Variants in LIFR observed in about 807,000 individuals in gnomAD.
The protein encoded by LIFR is leukemia inhibitory factor receptor.
Under a neutral mutation model 122.2 loss-of-function variants are expected in LIFR, and 84 were observed. The ratio of observed to expected loss-of-function variants is 0.69; its 90% CI spans 0.58 to 0.82. LIFR has a LOEUF of 0.82. Ranked by LOEUF, LIFR falls within the 40% of genes least tolerant of loss-of-function variation. LIFR has a pLI of 0.00. For missense variants in LIFR, 1,294 were observed against 1,311.6 expected (o/e 0.99, Z 0.21); for synonymous variants, 422 against 434.7 (o/e 0.97, Z 0.36).
intron 3 of LIFR, 120 bp downstream of exon 3, chr5:38,528,606 G>A: frequency 1.4e-6 from 1 of 740,138 alleles, no homozygotes; most frequent in Admixed American, 2.0e-5. Context: ...GGCAGACTCT[G>A]CTGGACACAG....
Position 38,540,798 on chromosome 5 carries a change from G to A in LIFR, c.-19-10132C>T, listed in dbSNP as rs550975681. On this transcript the variant is annotated intron_variant, in intron 1 of 19. Transcript: ENST00000453190. ...TCCAATTAAAAAAAAAACACTATGTGGGCCAAACAAAATACATTTGCAAGC... is the reference window on the plus strand; with the variant it reads ...TCCAATTAAAAAAAAAACACTATGTAGGCCAAACAAAATACATTTGCAAGC... Among the ~76,000 whole-genome samples the A allele has an allele frequency of 5.9e-5, 9 of 151,818 alleles. 2 individuals are homozygous for A. Among genetic ancestry groups the A allele is most frequent in the African/African-American group, 1.7e-4 (7 of 41,428 alleles).
chr5:38,478,504 T>C lies in LIFR; in HGVS notation c.*3091A>G, dbSNP rs1297040912. On this transcript the variant is annotated 3_prime_UTR_variant, in exon 20 of 20. Coordinates refer to ENST00000453190, the MANE Select transcript of LIFR (RefSeq NM_001127671.2). ...CTAGGGCTGTATAAATTCAACAAAT[T>C]GATGACCTAGATTGCATACATGTGC... 2 of 206,396 alleles carry C rather than the reference T, an allele frequency of 9.7e-6. No individual in the cohort carries two copies. The highest frequency in any genetic ancestry group is 1.5e-4 in the East Asian group (2 of 13,624). 12.8% of individuals were successfully genotyped at this position (206,396 alleles called of 1,614,324 possible). A position where few individuals can be genotyped will look rare whatever the true frequency, so the allele number is the denominator to read the frequency against.
chr5:38,548,827 T>C (rs1298564096), intron 1 of LIFR, among the ~76,000 whole-genome samples: 2 of 152,146 alleles, frequency 1.3e-5, no homozygotes, highest in African/African-American at 2.4e-5. Flanking sequence ...AGCAACAAAA[T>C]AGTTTGTCAG....
At chr5:38,560,476 G>A (rs987863453), upstream of LIFR, among the ~76,000 whole-genome samples, 3 of 152,058 alleles carry the variant, frequency 2.0e-5, no homozygotes, top group African/African-American at 7.2e-5. Flanking sequence ...TCAAAATTCT[G>A]TTTAGGATAT....
intron 1 of LIFR, among the ~76,000 whole-genome samples, chr5:38,547,909 G>T (rs1005741901): frequency 2.0e-5 from 3 of 152,128 alleles, no homozygotes; most frequent in African/African-American, 7.2e-5. Flanking sequence ...TAACAGAACG[G>T]AAGTATTTGG....
chr5:38,551,243 C>T (rs1174147937), intron 1 of LIFR, among the ~76,000 whole-genome samples: 4 of 152,188 alleles, frequency 2.6e-5, no homozygotes, highest in Non-Finnish European at 5.9e-5. Flanking sequence ...TCTCCAGGCC[C>T]GTTGCATGGA....
rs1745245957 is a variant in LIFR at position 38,502,654 on chromosome 5, T to C, written c.1583A>G (p.His528Arg). The C allele has an allele frequency of 1.2e-6, 2 of 1,613,210 alleles. No homozygotes were observed. The highest frequency in any genetic ancestry group is 1.1e-5 in the South Asian group (1 of 91,056). Residue 528 changes from histidine to arginine, a missense_variant, in exon 11 of 20, where the codon CAT becomes CGT. Coordinates refer to ENST00000453190, the MANE Select transcript of LIFR (RefSeq NM_001127671.2). ...KWSKWSNKKQ[H>R]LTTEASPSKG... is the part of the protein sequence containing the mutation. Reference sequence around the variant, plus strand: ...TAACTTACTGGCTTCTGTTGTTAAATGTTGTTTTTTATTGCTCCATTTGCT... The same window carrying C: ...TAACTTACTGGCTTCTGTTGTTAAACGTTGTTTTTTATTGCTCCATTTGCT...
intron 16 of LIFR, among the ~76,000 whole-genome samples, chr5:38,486,799 G>A (rs927700117): frequency 3.9e-4 from 59 of 152,144 alleles, no homozygotes; most frequent in African/African-American, 1.3e-3. Flanking sequence ...GCTCTTTTAC[G>A]CTACCATCAC....
chr5:38,523,352 AG>A (rs1746501337), intron 5 of LIFR, 66 bp downstream of exon 5: 1 of 1,338,606 alleles, frequency 7.5e-7, no homozygotes, highest in African/African-American at 1.5e-5. Flanking sequence ...TACCACCTTA[AG>A]GCTTCTTAAA....
chr5:38,548,351 G>A (rs1283603561), intron 1 of LIFR, among the ~76,000 whole-genome samples: 1 of 152,162 alleles, frequency 6.6e-6, no homozygotes, highest in Non-Finnish European at 1.5e-5. Flanking sequence ...GTAGTTTGTT[G>A]AATAAGCAGG....
rs13159153 is a variant in LIFR at position 38,528,758 on chromosome 5, A to T, written c.225T>A (p.Arg75=). 6.3e-7 allele frequency: 1 copy of T among 1,596,580 alleles called. No individual in the cohort carries two copies. The highest frequency in any genetic ancestry group is 1.7e-5 in the Admixed American group (1 of 58,466). Residue 75 remains arginine (R), a synonymous_variant, in exon 3 of 20, where the codon CGT becomes CGA. Transcript: ENST00000453190. ...CSWKAPSGTG[R]GTDYEVCIEN... is the part of the protein sequence containing the mutation. The stretch of plus-strand genomic sequence containing the variant: ...CAATGCAAACTTCATAATCAGTACC[A>T]CGGCCTGTTCCAGAGGGTGCTTTCC...
At chr5:38,520,366 G>A (rs1190936602) in intron 5 of LIFR, among the ~76,000 whole-genome samples, 1 of 152,042 alleles carries the variant, frequency 6.6e-6, no homozygotes, top group Non-Finnish European at 1.5e-5. Context: ...CTGGATATTC[G>A]TCCTTTGTTG....
intron 9 of LIFR, among the ~76,000 whole-genome samples, chr5:38,504,941 C>T (rs1402522516): frequency 6.6e-6 from 1 of 152,118 alleles, no homozygotes; most frequent in Non-Finnish European, 1.5e-5. Flanking sequence ...CCCTTTCTCC[C>T]CTGCCTGAGT....
At chr5:38,596,014 G>T (rs1750089065), upstream of LIFR, among the ~76,000 whole-genome samples, 1 of 152,132 alleles carries the variant, frequency 6.6e-6, no homozygotes, top group Non-Finnish European at 1.5e-5. Flanking sequence ...GGGATGACAG[G>T]CGTGAGCCAC....
chr5:38,508,760 T>G (rs1380685669), intron 7 of LIFR, among the ~76,000 whole-genome samples: 78 of 151,554 alleles, frequency 5.1e-4, no homozygotes, highest in Non-Finnish European at 1.5e-5. Flanking sequence ...TGTATTTTCT[T>G]TTTTTAATAG....
At chr5:38,569,036 C>T (rs780011091) in intron 1 of LIFR, among the ~76,000 whole-genome samples, 29 of 152,198 alleles carry the variant, frequency 1.9e-4, no homozygotes, top group South Asian at 4.1e-4. Flanking sequence ...TGACCTTGGC[C>T]GAAGGCCCTC....
chr5:38,506,365 T>C (rs1561155093), intron 8 of LIFR, 138 bp downstream of exon 8: 2 of 993,844 alleles, frequency 2.0e-6, no homozygotes, highest in African/African-American at 3.2e-5. Context: ...GCAGTGCTTA[T>C]AAGTGTAATT....
chr5:38,584,953 G>A (rs113077359), intron 1 of LIFR, among the ~76,000 whole-genome samples: 2,435 of 152,236 alleles, frequency 0.016, 19 homozygotes, highest in Middle Eastern at 0.051. Flanking sequence ...ATTAATACAT[G>A]CATCTCATCA....
chr5:38,539,027 C>T (rs1747441360), intron 1 of LIFR, among the ~76,000 whole-genome samples: 2 of 152,022 alleles, frequency 1.3e-5, no homozygotes, highest in Admixed American at 1.3e-4. Flanking sequence ...GTGGCGCGAT[C>T]TCGGCTCACT....
Sources: gnomAD v4.1 joint callset for allele counts (sites outside exome capture counted in the v4.1 genomes callset) on GRCh38, gnomAD v4.1.1 for gene constraint, MANE v1.5 for transcripts, NCBI Gene and HGNC (gene_info 2026-07-23, HGNC 2026-07-21) for gene names.